The following GRIN2B variants were observed in gnomAD, a reference collection of about 807,000 sequenced individuals.
GRIN2B encodes the protein glutamate ionotropic receptor NMDA type subunit 2B, also known as glutamate receptor ionotropic, NMDA 2B.
A neutral mutation model predicts 114.5 loss-of-function variants in GRIN2B; 5 were observed. The observed-to-expected ratio is 0.04, with a 90% confidence interval of 0.02 to 0.09. The LOEUF is 0.09. Among genes scored for constraint, GRIN2B ranks in the 10% least tolerant of loss-of-function variants. The pLI, the probability that GRIN2B is intolerant of heterozygous loss-of-function variation, is 1.00. For missense variants in GRIN2B, 1,108 were observed against 1,943.5 expected (o/e 0.57, Z 8.08); for synonymous variants, 787 against 745.1 (o/e 1.06, Z -0.92).
intron 2 of GRIN2B, among the ~76,000 whole-genome samples, chr12:13,887,528 GAT>G (rs940516789): frequency 1.3e-5 from 2 of 152,172 alleles, no homozygotes; most frequent in Non-Finnish European, 2.9e-5. Flanking sequence ...ATCGGCAAAA[GAT>G]AGCATGAATG....
intron 3 of GRIN2B, among the ~76,000 whole-genome samples, chr12:13,783,574 C>T (rs1387110828): frequency 4.6e-5 from 7 of 151,958 alleles, no homozygotes; most frequent in East Asian, 3.9e-4. Context: ...AGTAATAAGA[C>T]GCGATGATCT....
intron 2 of GRIN2B, among the ~76,000 whole-genome samples, chr12:13,885,069 G>A (rs10772715): frequency 0.39 from 59,823 of 151,952 alleles, 13,159 homozygotes; most frequent in East Asian, 0.64. Flanking sequence ...AAAAAATGCT[G>A]CAGACAAGAT....
intron 5 of GRIN2B, among the ~76,000 whole-genome samples, chr12:13,659,433 C>T (rs1047543144): frequency 6.6e-6 from 1 of 152,178 alleles, no homozygotes; most frequent in Non-Finnish European, 1.5e-5. Flanking sequence ...AGTTCCTACA[C>T]CCCATCACAG....
intron 2 of GRIN2B, among the ~76,000 whole-genome samples, chr12:13,977,103 C>A (rs16909619): frequency 0.042 from 6,448 of 152,314 alleles, 169 homozygotes; most frequent in Middle Eastern, 0.071. Flanking sequence ...CTCAATCAGC[C>A]TTAAAGAAAA....
At position 13,546,072 on chromosome 12, in the gene GRIN2B, TTC is replaced by T. The variant is rs1041978340; in HGVS notation, c.*16709_*16710del. On this transcript the variant is annotated 3_prime_UTR_variant, in exon 14 of 14. Coordinates refer to ENST00000609686, the MANE Select transcript of GRIN2B (RefSeq NM_000834.5). Reference sequence around the variant, plus strand: ...AAGATATAATTTTATTTAACAGATTTTCTCTCTCAGAGGTGACCTAACTTTGT... The same window carrying T: ...AAGATATAATTTTATTTAACAGATTTTCTCTCAGAGGTGACCTAACTTTGT... The T allele has an allele frequency of 1.8e-4, 27 of 152,326 alleles. No homozygotes were observed. Among genetic ancestry groups the T allele is most frequent in the Admixed American group, 9.8e-4 (15 of 15,298 alleles). 9.4% of individuals were successfully genotyped at this position (152,326 alleles called of 1,614,324 possible).
At chr12:13,685,123 T>A (rs1003674940) in intron 4 of GRIN2B, among the ~76,000 whole-genome samples, 3 of 152,218 alleles carry the variant, frequency 2.0e-5, no homozygotes, top group Non-Finnish European at 4.4e-5. Context: ...CGGAAAAGAA[T>A]AAGAAGGCTT....
At chr12:13,858,035 C>T (rs1865693751) in intron 3 of GRIN2B, among the ~76,000 whole-genome samples, 1 of 152,168 alleles carries the variant, frequency 6.6e-6, no homozygotes, top group Non-Finnish European at 1.5e-5. Flanking sequence ...CTGAGACACC[C>T]ACAGACTCAT....
intron 3 of GRIN2B, among the ~76,000 whole-genome samples, chr12:13,818,055 T>TA (rs1195370101): frequency 1.3e-5 from 2 of 152,214 alleles, no homozygotes; most frequent in Non-Finnish European, 2.9e-5. Flanking sequence ...ATAAATGGAG[T>TA]ACTGTCTGGG....
At chr12:13,708,581 T>G (rs913628415) in intron 4 of GRIN2B, among the ~76,000 whole-genome samples, 1 of 152,112 alleles carries the variant, frequency 6.6e-6, no homozygotes, top group Non-Finnish European at 1.5e-5. Flanking sequence ...TTTTGGCATT[T>G]GAAGAGGAGA....
At chr12:13,980,923 G>T (rs954732739) in intron 1 of GRIN2B, among the ~76,000 whole-genome samples, 1 of 152,046 alleles carries the variant, frequency 6.6e-6, no homozygotes, top group African/African-American at 2.4e-5. Flanking sequence ...CGACGCGCAC[G>T]CGCCCCGCGC....
At chr12:13,630,020 A>T (rs929483562) in intron 5 of GRIN2B, among the ~76,000 whole-genome samples, 5 of 152,174 alleles carry the variant, frequency 3.3e-5, no homozygotes, top group Non-Finnish European at 7.3e-5. Flanking sequence ...CTAACTGCTT[A>T]TGTGTCTGGT....
chr12:13,720,005 C>A (rs982625452), intron 4 of GRIN2B, among the ~76,000 whole-genome samples: 10 of 152,010 alleles, frequency 6.6e-5, no homozygotes, highest in African/African-American at 1.9e-4. Flanking sequence ...CTGTGCAAGG[C>A]TGGGAAAGGT....
chr12:13,954,666 C>A (rs1254838950), intron 2 of GRIN2B, among the ~76,000 whole-genome samples: 1 of 151,358 alleles, frequency 6.6e-6, no homozygotes, highest in Non-Finnish European at 1.5e-5. Context: ...AAAAAAATTA[C>A]CTGGGTGCGA....
At chr12:13,885,545 T>A (rs1214548642) in intron 2 of GRIN2B, among the ~76,000 whole-genome samples, 1 of 152,172 alleles carries the variant, frequency 6.6e-6, no homozygotes, top group Non-Finnish European at 1.5e-5. Flanking sequence ...TTCCCCTGTG[T>A]TCTTCCCTCA....
intron 3 of GRIN2B, among the ~76,000 whole-genome samples, chr12:13,863,857 T>C (rs1865785170): frequency 6.6e-6 from 1 of 152,216 alleles, no homozygotes. Flanking sequence ...TTTTTACCTG[T>C]TGTGCTCTCA....
chr12:13,657,478 T>C (rs926630988), intron 5 of GRIN2B, among the ~76,000 whole-genome samples: 3 of 152,212 alleles, frequency 2.0e-5, no homozygotes, highest in Admixed American at 1.3e-4. Flanking sequence ...GCAGAGTTCA[T>C]GTTAGCGATA....
chr12:13,773,739 T>C (rs769375881), intron 3 of GRIN2B, among the ~76,000 whole-genome samples: 5 of 152,146 alleles, frequency 3.3e-5, no homozygotes, highest in Non-Finnish European at 5.9e-5. Flanking sequence ...ACTGAGACCA[T>C]GGACAGCAAA....
intron 2 of GRIN2B, among the ~76,000 whole-genome samples, chr12:13,967,222 C>A (rs1867804303): frequency 6.6e-6 from 1 of 152,176 alleles, no homozygotes; most frequent in Non-Finnish European, 1.5e-5. Context: ...TCACAGAAGT[C>A]CAGGTCCTAA....
At chr12:13,681,220 G>T (rs1296301160) in intron 4 of GRIN2B, among the ~76,000 whole-genome samples, 1 of 152,064 alleles carries the variant, frequency 6.6e-6, no homozygotes, top group Non-Finnish European at 1.5e-5. Context: ...ATTAATATCT[G>T]CTAATGTGTC....
Sources: allele counts gnomAD v4.1 joint callset (sites outside exome capture counted in the v4.1 genomes callset), GRCh38; gene constraint gnomAD v4.1.1; transcripts MANE v1.5; gene names NCBI Gene and HGNC (gene_info 2026-07-23, HGNC 2026-07-21).